LRRK1: variants seen among roughly 807,000 people sequenced by gnomAD.
The protein encoded by LRRK1 is leucine-rich repeat serine/threonine-protein kinase 1.
Under a neutral mutation model 209.1 loss-of-function variants are expected in LRRK1, and 113 were observed. The observed-to-expected ratio is 0.54, with a 90% CI of 0.46 to 0.63. The LOEUF (loss-of-function observed/expected upper bound fraction) is 0.63, where lower values mean the gene tolerates loss of function less well. LRRK1 is among the 30% of genes least tolerant of loss of function. The probability of loss-of-function intolerance (pLI) is 0.00; values close to 1 mark genes in which losing one functional copy is unlikely to be tolerated. For missense variants in LRRK1, 2,284 were observed against 2,632.2 expected (o/e 0.87, Z 2.89); for synonymous variants, 1,144 against 1,099.7 (o/e 1.04, Z -0.80).
intron 30 of LRRK1, among the ~76,000 whole-genome samples, chr15:101,061,494 G>A (rs1311594233): frequency 6.6e-6 from 1 of 152,262 alleles, no homozygotes; most frequent in African/African-American, 2.4e-5. Flanking sequence ...AACCCTGCCT[G>A]CTGCTGGCTG....
chr15:100,964,447 G>C (rs547603279), intron 2 of LRRK1, among the ~76,000 whole-genome samples: 34 of 152,342 alleles, frequency 2.2e-4, no homozygotes, highest in African/African-American at 7.9e-4. Flanking sequence ...AGTGCCAGGA[G>C]GGTGTCACCT....
chr15:101,006,300 A>G (rs1380382264), intron 6 of LRRK1, among the ~76,000 whole-genome samples: 1 of 151,978 alleles, frequency 6.6e-6, no homozygotes, highest in African/African-American at 2.4e-5. Flanking sequence ...TAAGACAAGC[A>G]GTGAAACACA....
intron 2 of LRRK1, among the ~76,000 whole-genome samples, chr15:100,935,836 G>A (rs1230988392): frequency 4.6e-5 from 7 of 152,170 alleles, no homozygotes; most frequent in African/African-American, 1.7e-4. Flanking sequence ...TCACTCCCAT[G>A]TCTGGCCCCT....
At chr15:100,924,458 G>A in intron 1 of LRRK1, 53 bp from the exon 2 acceptor site, 2 of 597,650 alleles carry the variant, frequency 3.3e-6, no homozygotes, top group South Asian at 4.0e-5. Flanking sequence ...ATTTGCAGGG[G>A]AGGAGGACAG....
chr15:100,994,658 A>C (rs1428430686), intron 6 of LRRK1, among the ~76,000 whole-genome samples: 1 of 152,254 alleles, frequency 6.6e-6, no homozygotes, highest in African/African-American at 2.4e-5. Flanking sequence ...GCGTGGAATC[A>C]GAAGAGGAAA....
At chr15:101,061,345 C>A in intron 30 of LRRK1, 57 bp downstream of exon 30, 1 of 1,248,224 alleles carries the variant, frequency 8.0e-7, no homozygotes, top group Non-Finnish European at 1.2e-6. Flanking sequence ...TGGGTGCAGC[C>A]CTGGGTGGGG....
intron 2 of LRRK1, among the ~76,000 whole-genome samples, chr15:100,940,172 T>C (rs937478005): frequency 5.3e-5 from 8 of 152,178 alleles, no homozygotes; most frequent in African/African-American, 1.9e-4. Flanking sequence ...TCTCTTTGTT[T>C]CAGATAATGC....
rs945454041 is a variant in LRRK1, at chr15:101,078,074, C to T, written c.*9226C>T. ...GCTCATCCTGGCTCAAAAAGCACCCCCACTGAGCACCTTGCCGCCCCCACT... is the reference window on the plus strand; with the variant it reads ...GCTCATCCTGGCTCAAAAAGCACCCTCACTGAGCACCTTGCCGCCCCCACT... On this transcript the variant is annotated 3_prime_UTR_variant, in exon 34 of 34. Coordinates refer to ENST00000388948, the MANE Select transcript of LRRK1 (RefSeq NM_024652.6). 2.6e-5 allele frequency: 4 copies of T among 154,184 alleles called. No homozygotes were observed. The highest frequency in any genetic ancestry group is 9.7e-5 in the African/African-American group (4 of 41,422). 9.6% of individuals were successfully genotyped at this position (154,184 alleles called of 1,614,324 possible).
chr15:101,037,768 A>G (rs1481316368), intron 20 of LRRK1, among the ~76,000 whole-genome samples: 2 of 152,218 alleles, frequency 1.3e-5, no homozygotes, highest in Non-Finnish European at 2.9e-5. Context: ...GCTCCCGGAC[A>G]GTACACAGTC....
At position 101,065,815 on chromosome 15, in the gene LRRK1, A is replaced by T. The variant is rs2036497816; in HGVS notation, c.5378A>T (p.Asp1793Val). 1 of 1,613,888 alleles carries T rather than the reference A, an allele frequency of 6.2e-7. No individual in the cohort carries two copies. The highest frequency in any genetic ancestry group is 1.7e-5 in the Admixed American group (1 of 60,002). The change falls in exon 32 of 34, where the codon GAC (aspartate) becomes GTC (valine). Residue 1793 changes from aspartate (D) to valine (V), a missense_variant. This residue lies in a region of LRRK1 where 643 missense variants were observed against 695.9 expected (regional missense o/e 0.92). Transcript: ENST00000388948. ...GACATGTTTCCCGTGCGGCCCTTGG[A>T]CACGGAACCCCCGGCAGCCAGCCAC... ...LRDMFPVRPL[D>V]TEPPAASHTA...
At position 101,027,418 on chromosome 15, in the gene LRRK1, C is replaced by G. The variant is rs1429266328; in HGVS notation, c.2526+37C>G. On this transcript the variant is annotated intron_variant, in intron 18 of 33. Transcript: ENST00000388948. The surrounding 1 kb of genome is among the most constrained non-coding windows in gnomAD (Gnocchi z 5.1). ...GCTGGTCCAGTTTAAACCAGTCTGCCTGCTTCCCATTGTTGGGGGTCCTCA... is the reference window on the plus strand; with the variant it reads ...GCTGGTCCAGTTTAAACCAGTCTGCGTGCTTCCCATTGTTGGGGGTCCTCA... 6.2e-7 allele frequency: 1 copy of G among 1,601,372 alleles called. No homozygotes were observed. The highest frequency in any genetic ancestry group is 8.5e-7 in the Non-Finnish European group (1 of 1,173,740).
intron 4 of LRRK1, among the ~76,000 whole-genome samples, chr15:100,986,633 A>G (rs906979552): frequency 5.9e-5 from 9 of 152,238 alleles, no homozygotes; most frequent in Non-Finnish European, 1.2e-4. Context: ...GCTTGCTTTC[A>G]TTCAGTGCAG....
At chr15:101,032,044 A>G (rs1387192296) in intron 20 of LRRK1, among the ~76,000 whole-genome samples, 1 of 151,916 alleles carries the variant, frequency 6.6e-6, no homozygotes, top group Non-Finnish European at 1.5e-5. Flanking sequence ...CCTCCCCAAT[A>G]TTTGTTGTCT....
At chr15:100,930,530 C>T (rs566156478) in intron 2 of LRRK1, among the ~76,000 whole-genome samples, 9 of 152,332 alleles carry the variant, frequency 5.9e-5, no homozygotes, top group African/African-American at 2.2e-4. Flanking sequence ...CCCTGGCCTC[C>T]CCCACCCCAC....
rs751894481 is a variant in LRRK1, at chr15:100,989,235, G to A, written c.614-15G>A. 8.7e-6 allele frequency: 14 copies of A among 1,610,952 alleles called. No homozygotes were observed. The highest frequency in any genetic ancestry group is 1.1e-5 in the Non-Finnish European group (13 of 1,178,248). ...GCATCTGCATGCCCTTAGCTTTTTGGTTTTGTTCCTTTAGGGAATGAAGAC... is the reference window on the plus strand; with the variant it reads ...GCATCTGCATGCCCTTAGCTTTTTGATTTTGTTCCTTTAGGGAATGAAGAC... On this transcript the variant is annotated splice_polypyrimidine_tract_variant and intron_variant, in intron 5 of 33. Transcript: ENST00000388948.
intron 30 of LRRK1, among the ~76,000 whole-genome samples, chr15:101,062,063 C>G (rs1029049622): frequency 3.3e-5 from 5 of 152,230 alleles, no homozygotes; most frequent in African/African-American, 1.2e-4. Flanking sequence ...CAGCCCAGTC[C>G]CAGGCATCCA....
At chr15:101,041,439 T>C (rs1398428742) in intron 20 of LRRK1, among the ~76,000 whole-genome samples, 1 of 152,268 alleles carries the variant, frequency 6.6e-6, no homozygotes, top group Non-Finnish European at 1.5e-5. Flanking sequence ...TTTGTTATTT[T>C]GTTCATTCTT....
intron 20 of LRRK1, among the ~76,000 whole-genome samples, chr15:101,035,034 G>T (rs763837394): frequency 5.3e-5 from 8 of 151,844 alleles, no homozygotes; most frequent in Non-Finnish European, 2.9e-5. Context: ...TCTTTTTGAA[G>T]AATCAACTTT....
At chr15:100,972,351 AGAGAGAGAGAGAGT>A (rs1290338835) in intron 2 of LRRK1, among the ~76,000 whole-genome samples, 14 of 133,690 alleles carry the variant, frequency 1.0e-4, no homozygotes, top group East Asian at 5.9e-4. Context: ...AGAGAGAGAG[AGAGAGAGAGAGAGT>A]GTGTGTGTGT....
Sources: gnomAD v4.1 joint callset for allele counts (sites outside exome capture counted in the v4.1 genomes callset) on GRCh38, gnomAD v4.1.1 for gene constraint, gnomAD v4.1.1 regional missense constraint, Gnocchi (gnomAD v3.1) non-coding constraint, MANE v1.5 for transcripts, NCBI Gene and HGNC (gene_info 2026-07-23, HGNC 2026-07-21) for gene names.